ZFHX3: variants seen among roughly 807,000 people sequenced by gnomAD.
The protein encoded by ZFHX3 is zinc finger homeobox protein 3.
In ZFHX3, 42 loss-of-function variants were observed where a neutral mutation model predicts 279.1. That is an observed-to-expected ratio of 0.15 (90% CI 0.12 to 0.19). The LOEUF (loss-of-function observed/expected upper bound fraction) is 0.19. ZFHX3 is among the 10% of genes least tolerant of loss of function. ZFHX3 has a pLI of 1.00. For missense variants in ZFHX3, 4,981 were observed against 4,754.0 expected (o/e 1.05, Z -1.40); for synonymous variants, 2,293 against 1,957.8 (o/e 1.17, Z -4.52).
At chr16:73,085,327 T>C (rs925306804) in intron 8 of ZFHX3, among the ~76,000 whole-genome samples, 8 of 152,182 alleles carry the variant, frequency 5.3e-5, no homozygotes, top group Admixed American at 5.2e-4. Flanking sequence ...AATGGCACAA[T>C]CTTGGCTCAC....
chr16:72,897,503 G>A (rs1039350491), intron 3 of ZFHX3, among the ~76,000 whole-genome samples: 6 of 152,028 alleles, frequency 3.9e-5, no homozygotes, highest in Admixed American at 1.3e-4. Flanking sequence ...GCAGTGGTGC[G>A]ATCATGGCTT....
chr16:73,450,629 C>G (rs1219498490), intron 3 of ZFHX3, among the ~76,000 whole-genome samples: 1 of 152,214 alleles, frequency 6.6e-6, no homozygotes, highest in Admixed American at 6.5e-5. Context: ...GAGCTAGCCT[C>G]TTGGAAACTG....
intron 7 of ZFHX3, among the ~76,000 whole-genome samples, chr16:73,113,534 G>A (rs1019719394): frequency 6.6e-6 from 1 of 152,168 alleles, no homozygotes; most frequent in South Asian, 2.1e-4. Context: ...TTTAATGTGA[G>A]TAATTACAAT....
intron 4 of ZFHX3, among the ~76,000 whole-genome samples, chr16:73,281,073 A>G (rs1023754350): frequency 1.3e-5 from 2 of 151,536 alleles, no homozygotes; most frequent in African/African-American, 4.8e-5. Flanking sequence ...ATAGTATAAA[A>G]GTTTCTCCAA....
intron 8 of ZFHX3, among the ~76,000 whole-genome samples, chr16:73,090,911 G>GA (rs57632636): frequency 9.2e-5 from 10 of 108,314 alleles, no homozygotes; most frequent in South Asian, 2.9e-4. Flanking sequence ...ATCCCATATT[G>GA]AAAAAAAAAA....
At chr16:73,800,093 C>T (rs1029084653) in intron 1 of ZFHX3, among the ~76,000 whole-genome samples, 1 of 152,086 alleles carries the variant, frequency 6.6e-6, no homozygotes, top group African/African-American at 2.4e-5. Context: ...TTTAATAAAA[C>T]AATGACTTCT....
intron 1 of ZFHX3, among the ~76,000 whole-genome samples, chr16:73,786,401 A>AT (rs1017527579): frequency 3.3e-5 from 5 of 152,078 alleles, no homozygotes; most frequent in African/African-American, 9.7e-5. Flanking sequence ...AATGAGACAC[A>AT]TAAAAAAAAA....
chr16:73,455,644 G>A (rs961772822), intron 3 of ZFHX3, among the ~76,000 whole-genome samples: 1 of 152,030 alleles, frequency 6.6e-6, no homozygotes, highest in Admixed American at 6.5e-5. Context: ...TGAATACTAT[G>A]AGCATTGTAA....
At chr16:73,104,090 C>T (rs528711107) in intron 7 of ZFHX3, among the ~76,000 whole-genome samples, 2 of 152,112 alleles carry the variant, frequency 1.3e-5, no homozygotes, top group South Asian at 4.2e-4. Context: ...TGAAATGCAC[C>T]GATCTCCATC....
intron 2 of ZFHX3, among the ~76,000 whole-genome samples, chr16:73,649,127 A>C (rs1241045605): frequency 6.6e-6 from 1 of 152,266 alleles, no homozygotes; most frequent in Non-Finnish European, 1.5e-5. Context: ...AACCATCATA[A>C]CTATCTCTGC....
At chr16:73,732,758 T>C (rs2053579071) in intron 1 of ZFHX3, among the ~76,000 whole-genome samples, 1 of 152,218 alleles carries the variant, frequency 6.6e-6, no homozygotes, top group Admixed American at 6.5e-5. Context: ...AAAGGACAGT[T>C]TGTGGGGCAC....
intron 3 of ZFHX3, among the ~76,000 whole-genome samples, chr16:73,392,688 C>G (rs1469589660): frequency 6.6e-6 from 1 of 151,906 alleles, no homozygotes; most frequent in Non-Finnish European, 1.5e-5. Context: ...TGAAATGGAC[C>G]CCATCAATTG....
At chr16:73,142,668 T>G (rs1966850659) in intron 6 of ZFHX3, among the ~76,000 whole-genome samples, 1 of 152,250 alleles carries the variant, frequency 6.6e-6, no homozygotes, top group Non-Finnish European at 1.5e-5. Flanking sequence ...CCGCAGGCGC[T>G]GGTGTGAATT....
At chr16:73,335,940 T>C (rs1442015527) in intron 3 of ZFHX3, among the ~76,000 whole-genome samples, 2 of 152,250 alleles carry the variant, frequency 1.3e-5, no homozygotes, top group Admixed American at 6.5e-5. Context: ...CTAGGCCACA[T>C]TTCTACAAAC....
chr16:73,785,254 C>T (rs1239699091), intron 1 of ZFHX3, among the ~76,000 whole-genome samples: 1 of 152,104 alleles, frequency 6.6e-6, no homozygotes, highest in Non-Finnish European at 1.5e-5. Context: ...TTTGTACCAA[C>T]TTTTTGTTTT....
intron 8 of ZFHX3, among the ~76,000 whole-genome samples, chr16:73,084,614 G>A (rs768238803): frequency 4.4e-4 from 65 of 146,832 alleles, no homozygotes; most frequent in Non-Finnish European, 5.9e-4. Context: ...TCCACTTCCC[G>A]GGTTCACACC....
intron 3 of ZFHX3, among the ~76,000 whole-genome samples, chr16:73,346,776 A>G (rs1380345018): frequency 6.6e-6 from 1 of 152,148 alleles, no homozygotes; most frequent in African/African-American, 2.4e-5. Flanking sequence ...CCAGTCTGTC[A>G]TGCTCTTTGG....
intron 1 of ZFHX3, among the ~76,000 whole-genome samples, chr16:73,696,869 G>C (rs780058462): frequency 2.0e-5 from 3 of 152,118 alleles, no homozygotes; most frequent in Non-Finnish European, 4.4e-5. Flanking sequence ...TTGTGAGGTA[G>C]AAATAAAGTG....
intron 4 of ZFHX3, among the ~76,000 whole-genome samples, chr16:72,830,634 T>C (rs2037039148): frequency 6.6e-6 from 1 of 152,184 alleles, no homozygotes; most frequent in Non-Finnish European, 1.5e-5. Flanking sequence ...GAAGGCAGAA[T>C]GACGGCTGCC....
Sources: allele counts gnomAD v4.1 joint callset (sites outside exome capture counted in the v4.1 genomes callset), GRCh38; gene constraint gnomAD v4.1.1; transcripts MANE v1.5; gene names NCBI Gene and HGNC (gene_info 2026-07-23, HGNC 2026-07-21).